The following PPFIA2 variants were observed in gnomAD, a reference collection of about 807,000 sequenced individuals.
PPFIA2 encodes liprin-alpha-2.
PPFIA2 carries 46 observed loss-of-function variants against 175.5 expected under a neutral mutation model. That is an observed-to-expected ratio of 0.26 (90% confidence interval 0.21 to 0.34). The LOEUF (loss-of-function observed/expected upper bound fraction) is 0.34. PPFIA2 is among the 10% of genes least tolerant of loss of function. PPFIA2 has a pLI of 1.00. For missense variants in PPFIA2, 1,179 were observed against 1,506.1 expected (o/e 0.78, Z 3.60); for synonymous variants, 568 against 511.4 (o/e 1.11, Z -1.49).
chr12:81,608,661 G>A, intron 4 of PPFIA2, among the ~76,000 whole-genome samples: 1 of 151,752 alleles, frequency 6.6e-6, no homozygotes, highest in East Asian at 1.9e-4. Context: ...ATTTCTGACT[G>A]TACTTATTTG....
At chr12:81,744,945 T>C (rs1458369660) in intron 3 of PPFIA2, among the ~76,000 whole-genome samples, 2 of 152,122 alleles carry the variant, frequency 1.3e-5, no homozygotes, top group Non-Finnish European at 2.9e-5. Context: ...ATCTGCAAAA[T>C]GGGAATAGTA....
At chr12:81,341,522 G>A (rs1196563429) in intron 19 of PPFIA2, among the ~76,000 whole-genome samples, 1 of 152,080 alleles carries the variant, frequency 6.6e-6, no homozygotes, top group Non-Finnish European at 1.5e-5. Context: ...AGACGGCTTT[G>A]AATGCAGCCC....
At chr12:81,471,473 T>C (rs2056718098) in intron 4 of PPFIA2, among the ~76,000 whole-genome samples, 1 of 142,428 alleles carries the variant, frequency 7.0e-6, no homozygotes, top group Non-Finnish European at 1.5e-5. Context: ...TTGGGTTTCC[T>C]TTTTTTTTTT....
intron 3 of PPFIA2, among the ~76,000 whole-genome samples, chr12:81,703,314 AT>A (rs2153603760): frequency 6.6e-6 from 1 of 152,060 alleles, no homozygotes; most frequent in South Asian, 2.1e-4. Flanking sequence ...TACAGCCCCA[AT>A]TTTTTCTCCT....
chr12:81,595,236 T>TTATA (rs111526144), intron 4 of PPFIA2, among the ~76,000 whole-genome samples: 136 of 147,032 alleles, frequency 9.2e-4, no homozygotes, highest in East Asian at 4.2e-3. Context: ...TTCACTGTGT[T>TTATA]TATATATATA....
chr12:81,746,442 G>A (rs1428575738), intron 3 of PPFIA2, among the ~76,000 whole-genome samples: 1 of 143,554 alleles, frequency 7.0e-6, no homozygotes. Context: ...TCTGAACAGG[G>A]AGTTAGAGGA....
In PPFIA2 at chr12:81,749,552, TCCC is replaced by T. The variant is rs1210314973; in HGVS notation, c.249+4418_249+4420del. ...AAATATATTAATAACTGACAATTATTCCCCCATTCTCAAAAATGTGTAGGATTA... is the reference window on the plus strand; with the variant it reads ...AAATATATTAATAACTGACAATTATTCCATTCTCAAAAATGTGTAGGATTA... On this transcript the variant is annotated intron_variant, in intron 3 of 32. Coordinates refer to ENST00000549396, the MANE Select transcript of PPFIA2 (RefSeq NM_003625.5). Among the ~76,000 whole-genome samples, 13 of 143,990 alleles carry T rather than the reference TCCC, an allele frequency of 9.0e-5. 2 individuals are homozygous for T. Among genetic ancestry groups the T allele is most frequent in the Non-Finnish European group, 1.6e-5 (1 of 64,206 alleles). 94.5% of individuals were successfully genotyped at this position (143,990 alleles called of 152,430 possible).
chr12:81,457,336 C>G (rs949402682), intron 5 of PPFIA2, among the ~76,000 whole-genome samples: 1 of 151,310 alleles, frequency 6.6e-6, no homozygotes, highest in African/African-American at 2.4e-5. Flanking sequence ...AGGTGAGAAC[C>G]AAACCCAGGC....
chr12:81,458,355 CAAAATAACA>C (rs1214602102), intron 4 of PPFIA2, among the ~76,000 whole-genome samples: 136 of 2,700 alleles, frequency 0.05, no homozygotes, highest in African/African-American at 0.17. Context: ...TTTTTTTTTA[CAAAATAACA>C]AAATAACAAA....
intron 4 of PPFIA2, 118 bp downstream of exon 4, chr12:81,676,673 G>T: frequency 1.7e-6 from 1 of 575,010 alleles, no homozygotes; most frequent in Non-Finnish European, 2.7e-6. Context: ...TTCTATAATA[G>T]CTGTATTTAT....
intron 4 of PPFIA2, among the ~76,000 whole-genome samples, chr12:81,538,759 T>C (rs1227694310): frequency 6.6e-6 from 1 of 151,650 alleles, no homozygotes; most frequent in Admixed American, 6.6e-5. Context: ...AGGGAAAACA[T>C]AGTATGAGGT....
chr12:81,749,737 T>A (rs1220176058), intron 3 of PPFIA2, among the ~76,000 whole-genome samples: 1 of 144,300 alleles, frequency 6.9e-6, no homozygotes. Flanking sequence ...TGCCTCATAT[T>A]CTTTAATCAT....
Position 81,758,422 on chromosome 12 carries a change from C to G in PPFIA2, c.-25G>C, listed in dbSNP as rs987887687. 2.2e-6 allele frequency: 1 copy of G among 456,550 alleles called. No individual in the cohort carries two copies. The highest frequency in any genetic ancestry group is 2.3e-5 in the Admixed American group (1 of 42,564). The allele number at this position is 456,550 out of a possible 1,614,324, so 28.3% of individuals were successfully genotyped here. A position where few individuals can be genotyped will look rare whatever the true frequency, so the allele number is the denominator to read the frequency against. On this transcript the variant is annotated 5_prime_UTR_variant, in exon 2 of 33. Transcript: ENST00000549396. ...TACCTAATGTCTGTGATTTCGGGTC[C>G]TTGCTTCTTCAATTGATCAATGACA...
At chr12:81,384,369 C>T (rs2038451911) in intron 8 of PPFIA2, 125 bp from the exon 9 acceptor site, 1 of 733,112 alleles carries the variant, frequency 1.4e-6, no homozygotes. Flanking sequence ...CTGAAAAGAA[C>T]TAGTTTTGCC....
At chr12:81,332,852 T>G (rs763609813) in intron 21 of PPFIA2, among the ~76,000 whole-genome samples, 8 of 152,182 alleles carry the variant, frequency 5.3e-5, no homozygotes, top group Non-Finnish European at 7.3e-5. Context: ...TTTCGATATG[T>G]ATAGAATGTG....
chr12:81,499,823 A>AAAAG, intron 4 of PPFIA2, among the ~76,000 whole-genome samples: 1 of 152,278 alleles, frequency 6.6e-6, no homozygotes, highest in Non-Finnish European at 1.5e-5. Flanking sequence ...TCCTAAAAAA[A>AAAAG]AAAGAAAGAA....
At chr12:81,708,852 T>C (rs12816516) in intron 3 of PPFIA2, among the ~76,000 whole-genome samples, 3,822 of 152,274 alleles carry the variant, frequency 0.025, 68 homozygotes, top group South Asian at 0.071. Flanking sequence ...TGAATCCATG[T>C]TAAATTAAAC....
At chr12:81,587,512 T>A (rs1281110024) in intron 4 of PPFIA2, among the ~76,000 whole-genome samples, 2 of 152,180 alleles carry the variant, frequency 1.3e-5, no homozygotes, top group South Asian at 4.1e-4. Context: ...GAAAATGGAC[T>A]AATACATTAA....
At chr12:81,686,596 T>G in intron 3 of PPFIA2, among the ~76,000 whole-genome samples, 1 of 152,162 alleles carries the variant, frequency 6.6e-6, no homozygotes, top group South Asian at 2.1e-4. Context: ...TGATGCATCC[T>G]TGCTATCTCA....
Sources: gnomAD v4.1 joint callset for allele counts (sites outside exome capture counted in the v4.1 genomes callset) on GRCh38, gnomAD v4.1.1 for gene constraint, MANE v1.5 for transcripts, NCBI Gene and HGNC (gene_info 2026-07-23, HGNC 2026-07-21) for gene names.